ZEB2: variants seen among roughly 807,000 people sequenced by gnomAD.
The protein encoded by ZEB2 is zinc finger E-box-binding homeobox 2.
A neutral mutation model predicts 99.9 loss-of-function variants in ZEB2; 6 were observed. That is an observed-to-expected ratio of 0.06 (90% CI 0.03 to 0.12). ZEB2 has a LOEUF of 0.12. Among genes scored for constraint, ZEB2 ranks in the 10% least tolerant of loss-of-function variants. The pLI is 1.00. For missense variants in ZEB2, 969 were observed against 1,502.8 expected (o/e 0.64, Z 5.87); for synonymous variants, 517 against 542.5 (o/e 0.95, Z 0.65).
chr2:144,389,699 C>A lies in ZEB2; in HGVS notation c.3397G>T (p.Asp1133Tyr), dbSNP rs1251604500. The change falls in exon 10 of 10, where the codon GAT (aspartate) becomes TAT (tyrosine). Residue 1133 changes from aspartate (D) to tyrosine (Y), a missense_variant. Coordinates refer to ENST00000627532, the MANE Select transcript of ZEB2 (RefSeq NM_014795.4). This position sits in a 1 kb window ranked among gnomAD's most constrained non-coding sequence, Gnocchi z 6.8. ...TCGTGCTCCTTCTCGCTCTCGCCAT[C>A]CCTCGGCATACTCTCCCTCTCCTCC... ...DSEERESMPR[D>Y]GESEKEHEKE... 1 of 1,613,992 alleles carries A rather than the reference C, an allele frequency of 6.2e-7. No homozygotes were observed.
intron 3 of ZEB2, chr2:144,427,274 C>A (rs931096212): frequency 1.3e-5 from 2 of 152,162 alleles, no homozygotes; most frequent in South Asian, 4.1e-4. Flanking sequence ...CATTGTGGGA[C>A]GAAAGAATGT....
At chr2:144,401,400 A>G in intron 6 of ZEB2, 93 bp from the exon 7 acceptor site, 2 of 1,238,388 alleles carry the variant, frequency 1.6e-6, no homozygotes, top group Non-Finnish European at 2.4e-6. Flanking sequence ...TTTTTCAGAC[A>G]GGCCAAAAGG....
chr2:144,460,901 A>G (rs1373805513), intron 2 of ZEB2, among the ~76,000 whole-genome samples: 4 of 152,070 alleles, frequency 2.6e-5, no homozygotes, highest in African/African-American at 9.7e-5. Flanking sequence ...CATCAAGAAC[A>G]TGCTACTTTG....
intron 6 of ZEB2, among the ~76,000 whole-genome samples, chr2:144,403,656 T>A (rs942550385): frequency 2.5e-4 from 38 of 152,092 alleles, no homozygotes; most frequent in Admixed American, 6.5e-4. Context: ...AACATAAAAA[T>A]GAAACTAAAG....
In ZEB2 at chr2:144,389,786, T is replaced by G; in HGVS notation, c.3310A>C (p.Thr1104Pro). The G allele has an allele frequency of 6.2e-7, 1 of 1,610,106 alleles. No homozygotes were observed. Among genetic ancestry groups the G allele is most frequent in the Non-Finnish European group, 8.5e-7 (1 of 1,177,294 alleles). ...TAAGCCCGGTTCATCAGCAGCTCGG[T>G]GGGTTCCAAGTGCCCTTTCTCGCGC... Reference protein sequence around the residue: ...EAREKGHLEPTELLMNRAYLQ... With the variant: ...EAREKGHLEPPELLMNRAYLQ... The change falls in exon 10 of 10, where the codon ACC becomes CCC. Residue 1104 changes from threonine to proline, a missense_variant. Thr to Pro is a conservative substitution (Grantham distance 38). Transcript: ENST00000627532. This position sits in a 1 kb window ranked among gnomAD's most constrained non-coding sequence, Gnocchi z 6.8.
At chr2:144,397,188 G>A (rs1703241261) in intron 8 of ZEB2, among the ~76,000 whole-genome samples, 1 of 152,174 alleles carries the variant, frequency 6.6e-6, no homozygotes, top group African/African-American at 2.4e-5. Flanking sequence ...ATGTGGATCA[G>A]TAAATTATTA....
At chr2:144,512,270 A>C in intron 2 of ZEB2, 1 of 1,287,272 alleles carries the variant, frequency 7.8e-7, no homozygotes, top group Non-Finnish European at 1.0e-6. Flanking sequence ...ATTTCCTTTC[A>C]CACAGAAGAA....
intron 4 of ZEB2, among the ~76,000 whole-genome samples, chr2:144,417,204 T>C (rs1404303354): frequency 6.6e-6 from 1 of 152,208 alleles, no homozygotes; most frequent in Non-Finnish European, 1.5e-5. Flanking sequence ...TATTTATTTG[T>C]AAATTTTCTC....
intron 2 of ZEB2, among the ~76,000 whole-genome samples, chr2:144,506,262 CAG>C (rs1704949719): frequency 1.3e-5 from 2 of 152,144 alleles, no homozygotes; most frequent in Admixed American, 1.3e-4. Flanking sequence ...GGAAAATTCT[CAG>C]AGTTTGGATC....
At position 144,399,586 on chromosome 2, in the gene ZEB2, T is replaced by A. The variant is rs767181131; in HGVS notation, c.1601A>T (p.Asn534Ile). The change falls in exon 8 of 10, where the codon AAT becomes ATT. Residue 534 changes from asparagine to isoleucine, a missense_variant. Asn to Ile is a moderately radical substitution (Grantham distance 149). This residue lies in a region of ZEB2 where 227 missense variants were observed against 278.2 expected (regional missense o/e 0.82). Coordinates refer to ENST00000627532, the MANE Select transcript of ZEB2 (RefSeq NM_014795.4). This position sits in a 1 kb window ranked among gnomAD's most constrained non-coding sequence, Gnocchi z 5.6. Reference protein sequence around the residue: ...SIIDYTLEKVNEAKACLQSLT... With the variant: ...SIIDYTLEKVIEAKACLQSLT... ...GCTCTGGAGGCAAGCTTTGGCTTCA[T>A]TGACTTTTTCCAACGTATAGTCAAT... is the stretch of plus-strand genomic sequence containing the variant. 1 of 1,614,220 alleles carries A rather than the reference T, an allele frequency of 6.2e-7. No individual in the cohort carries two copies. Among genetic ancestry groups the A allele is most frequent in the Non-Finnish European group, 8.5e-7 (1 of 1,180,036 alleles).
chr2:144,448,152 A>G (rs969845189), intron 2 of ZEB2, among the ~76,000 whole-genome samples: 1 of 152,164 alleles, frequency 6.6e-6, no homozygotes, highest in Non-Finnish European at 1.5e-5. Context: ...TCACATGCTA[A>G]TTTTGTGACA....
intron 2 of ZEB2, among the ~76,000 whole-genome samples, chr2:144,468,517 A>C (rs1269482724): frequency 6.6e-6 from 1 of 152,158 alleles, no homozygotes; most frequent in Non-Finnish European, 1.5e-5. Context: ...TGTGAGTTTT[A>C]TGGATACAAG....
chr2:144,393,878 G>A lies in ZEB2; in HGVS notation c.3067+2534C>T, dbSNP rs1045596525. On this transcript the variant is annotated intron_variant, in intron 9 of 9. Transcript: ENST00000627532. Reference sequence around the variant, plus strand: ...GCAGCTCTCACATCTTGAAGGAGCAGAATAGTTTATTTTTACTTTAAAAAA... The same window carrying A: ...GCAGCTCTCACATCTTGAAGGAGCAAAATAGTTTATTTTTACTTTAAAAAA... Among the ~76,000 whole-genome samples, 4 of 152,310 alleles carry A rather than the reference G, an allele frequency of 2.6e-5. No individual in the cohort carries two copies. In the South Asian group the frequency reaches 8.3e-4, roughly 32 times the overall value.
chr2:144,440,537 T>A (rs1177189830), intron 2 of ZEB2, among the ~76,000 whole-genome samples: 28 of 126,970 alleles, frequency 2.2e-4, no homozygotes, highest in African/African-American at 8.3e-4. Flanking sequence ...TTTTTTTTTT[T>A]TTTTTAACTA....
chr2:144,480,030 C>A (rs1444222525), intron 2 of ZEB2, among the ~76,000 whole-genome samples: 1 of 152,168 alleles, frequency 6.6e-6, no homozygotes, highest in Non-Finnish European at 1.5e-5. Flanking sequence ...CAAATCATAT[C>A]ATGTCAGTCC....
chr2:144,517,637 G>A (rs576817366), intron 1 of ZEB2: 116 of 700,844 alleles, frequency 1.7e-4, no homozygotes, highest in African/African-American at 6.2e-4. Flanking sequence ...ACCCGCGAGG[G>A]GATCAGAGAG....
At chr2:144,431,440 C>T (rs1248841132) in intron 2 of ZEB2, among the ~76,000 whole-genome samples, 9 of 151,792 alleles carry the variant, frequency 5.9e-5, no homozygotes, top group African/African-American at 1.9e-4. Context: ...AAGATTACAC[C>T]GTGCATATCT....
At position 144,387,049 on chromosome 2, in the gene ZEB2, A is replaced by ATG. The variant is rs1703094685; in HGVS notation, c.*2401_*2402insCA. ...TTTCTGTGTATGTGTGTGTGTGTAT[A>ATG]TATATATATATATACACACACACAC... On this transcript the variant is annotated 3_prime_UTR_variant, in exon 10 of 10. Transcript: ENST00000627532. The ATG allele has an allele frequency of 6.9e-6, 1 of 145,120 alleles. No homozygotes were observed. The highest frequency in any genetic ancestry group is 2.6e-5 in the African/African-American group (1 of 38,988). 9.0% of individuals were successfully genotyped at this position (145,120 alleles called of 1,614,324 possible).
intron 2 of ZEB2, among the ~76,000 whole-genome samples, chr2:144,443,558 A>T (rs1305192814): frequency 1.3e-5 from 2 of 152,240 alleles, no homozygotes; most frequent in Non-Finnish European, 2.9e-5. Flanking sequence ...AGTTAAGCGT[A>T]ACCTGAGTTG....
Sources: allele counts gnomAD v4.1 joint callset (sites outside exome capture counted in the v4.1 genomes callset), GRCh38; gene constraint gnomAD v4.1.1; regional missense constraint gnomAD v4.1.1; non-coding constraint Gnocchi (gnomAD v3.1); transcripts MANE v1.5; gene names NCBI Gene and HGNC (gene_info 2026-07-23, HGNC 2026-07-21).